The following EHMT1 variants were observed in gnomAD, a reference collection of about 807,000 sequenced individuals.
EHMT1 encodes euchromatic histone lysine methyltransferase 1, also known as histone-lysine N-methyltransferase EHMT1.
A neutral mutation model predicts 147.2 loss-of-function variants in EHMT1; 15 were observed. The observed-to-expected ratio is 0.10, with a 90% CI of 0.07 to 0.16. The LOEUF (loss-of-function observed/expected upper bound fraction) is 0.16. Among genes scored for constraint, EHMT1 ranks in the 10% least tolerant of loss-of-function variants. The pLI is 1.00. For missense variants in EHMT1, 1,587 were observed against 1,772.4 expected, an observed-to-expected ratio of 0.90 and a Z score of 1.88; for synonymous variants, 795 against 709.6, an observed-to-expected ratio of 1.12 and a Z score of -1.91.
At chr9:137,793,012 G>A (rs900326009) in intron 16 of EHMT1, among the ~76,000 whole-genome samples, 1 of 152,254 alleles carries the variant, frequency 6.6e-6, no homozygotes, top group Middle Eastern at 3.4e-3. Flanking sequence ...TTTCATGCGC[G>A]GCAAAGCAGC....
Position 137,788,151 on chromosome 9 carries a change from GC to G in EHMT1, c.2383-2695del, listed in dbSNP as rs1473758140. The G allele has an allele frequency of 1.4e-5, 14 of 978,144 alleles. No individual in the cohort carries two copies. The African/African-American group carries it at 1.8e-4, about 13-fold the overall frequency. 60.6% of individuals were successfully genotyped at this position (978,144 alleles called of 1,614,324 possible). The stretch of plus-strand genomic sequence containing the variant: ...GGAGGGCAGGGGTGGGGTGGTCACT[GC>G]CTTCTCCCCACTGCACCCCGTACCT... On this transcript the variant is annotated intron_variant, in intron 15 of 26. Coordinates refer to ENST00000460843, the MANE Select transcript of EHMT1 (RefSeq NM_024757.5).
At chr9:137,741,221 C>T (rs1276428860) in intron 4 of EHMT1, among the ~76,000 whole-genome samples, 1 of 152,088 alleles carries the variant, frequency 6.6e-6, no homozygotes, top group Admixed American at 6.6e-5. Context: ...CGTGATCCAC[C>T]CGCCTCGGCC....
intron 25 of EHMT1, among the ~76,000 whole-genome samples, chr9:137,818,509 G>T (rs1955115491): frequency 6.6e-6 from 1 of 151,860 alleles, no homozygotes. Flanking sequence ...CTGTAGAGAG[G>T]CTGAGGGGGG....
intron 1 of EHMT1, among the ~76,000 whole-genome samples, chr9:137,620,354 C>T (rs1842878770): frequency 6.6e-6 from 1 of 152,158 alleles, no homozygotes; most frequent in Non-Finnish European, 1.5e-5. Flanking sequence ...AGATCAGGCG[C>T]CTCCCTCGGT....
intron 1 of EHMT1, among the ~76,000 whole-genome samples, chr9:137,693,029 C>T (rs1456868295): frequency 1.3e-5 from 2 of 152,036 alleles, no homozygotes; most frequent in Non-Finnish European, 2.9e-5. Flanking sequence ...GACCCTTTGG[C>T]GAATGGGCAC....
At chr9:137,719,722 G>A (rs977828072) in intron 3 of EHMT1, among the ~76,000 whole-genome samples, 7 of 152,194 alleles carry the variant, frequency 4.6e-5, no homozygotes, top group African/African-American at 1.7e-4. Flanking sequence ...GGCTTACTCA[G>A]TTTCACCATC....
At chr9:137,745,505 C>G in intron 6 of EHMT1, 2 of 398,558 alleles carry the variant, frequency 5.0e-6, no homozygotes, top group Non-Finnish European at 8.8e-6. Context: ...CATCATCACC[C>G]CATTGTCCTG....
At chr9:137,766,661 G>A (rs1950239221) in intron 10 of EHMT1, among the ~76,000 whole-genome samples, 1 of 152,124 alleles carries the variant, frequency 6.6e-6, no homozygotes, top group Admixed American at 6.5e-5. Context: ...TTTAAAGGCT[G>A]TGTTGTCTGA....
chr9:137,628,464 G>T (rs1207545062), intron 1 of EHMT1, among the ~76,000 whole-genome samples: 1 of 152,086 alleles, frequency 6.6e-6, no homozygotes, highest in Non-Finnish European at 1.5e-5. Context: ...AAAACATTTT[G>T]TAGAGATGGA....
chr9:137,685,472 A>G (rs553922647), intron 1 of EHMT1: 7 of 152,302 alleles, frequency 4.6e-5, no homozygotes, highest in Non-Finnish European at 1.0e-4. Context: ...TTATTCATTC[A>G]TCTGTTAATG....
chr9:137,706,596 C>T (rs1404599947), intron 1 of EHMT1, among the ~76,000 whole-genome samples: 1 of 151,938 alleles, frequency 6.6e-6, no homozygotes, highest in Non-Finnish European at 1.5e-5. Flanking sequence ...AAGATATTCT[C>T]CTGCCTCAGC....
chr9:137,816,738 T>C (rs888671208), intron 23 of EHMT1: 1 of 164,694 alleles, frequency 6.1e-6, no homozygotes, highest in Admixed American at 5.6e-5. Context: ...TTGACTTTTT[T>C]GTGACCTCGA....
intron 16 of EHMT1, among the ~76,000 whole-genome samples, chr9:137,795,425 A>ACACACACACACACACACACACT (rs1486385036): frequency 2.0e-4 from 3 of 15,290 alleles, no homozygotes; most frequent in Non-Finnish European, 5.3e-4. Flanking sequence ...ACACACACAC[A>ACACACACACACACACACACACT]CACTCTCACA....
chr9:137,737,951 T>C (rs1947690175), intron 4 of EHMT1, among the ~76,000 whole-genome samples: 1 of 152,192 alleles, frequency 6.6e-6, no homozygotes, highest in African/African-American at 2.4e-5. Context: ...CTCAGCACTT[T>C]GGGAGGCCGA....
Position 137,679,723 on chromosome 9 carries a change from A to G in EHMT1, c.22-31244A>G, listed in dbSNP as rs530544473. Among the ~76,000 whole-genome samples, 8 of 152,306 alleles carry G rather than the reference A, an allele frequency of 5.3e-5. No homozygotes were observed. In the South Asian group the frequency reaches 1.2e-3, roughly 24 times the overall value. On this transcript the variant is annotated intron_variant, in intron 1 of 26. Coordinates refer to ENST00000460843, the MANE Select transcript of EHMT1 (RefSeq NM_024757.5). ...AAAGCTATTGTACTTAGCCAAATAC[A>G]TTGGATATTTTTTTCTGTGTTTTAA... is the stretch of plus-strand genomic sequence containing the variant.
intron 2 of EHMT1, among the ~76,000 whole-genome samples, chr9:137,714,249 T>G (rs529011578): frequency 6.6e-6 from 1 of 152,194 alleles, no homozygotes. Context: ...GGTTTCACCT[T>G]TAAGTGTGAT....
At chr9:137,624,440 C>T (rs550269448) in intron 1 of EHMT1, among the ~76,000 whole-genome samples, 28 of 151,976 alleles carry the variant, frequency 1.8e-4, no homozygotes, top group African/African-American at 5.8e-4. Flanking sequence ...CTCAGCCTCC[C>T]GAGTAGCTGT....
chr9:137,726,185 C>G (rs1946609715), intron 3 of EHMT1, among the ~76,000 whole-genome samples: 1 of 152,222 alleles, frequency 6.6e-6, no homozygotes, highest in Non-Finnish European at 1.5e-5. Flanking sequence ...TAAGCACATT[C>G]ACGCTGCCGT....
At chr9:137,656,042 A>G (rs902562171) in intron 1 of EHMT1, among the ~76,000 whole-genome samples, 2 of 152,214 alleles carry the variant, frequency 1.3e-5, no homozygotes, top group African/African-American at 4.8e-5. Context: ...ACATGCTGGA[A>G]TATTCAAGGG....
Sources: allele counts gnomAD v4.1 joint callset (sites outside exome capture counted in the v4.1 genomes callset), GRCh38; gene constraint gnomAD v4.1.1; transcripts MANE v1.5; gene names NCBI Gene and HGNC (gene_info 2026-07-23, HGNC 2026-07-21).